Variants in JAZF1 observed in about 807,000 individuals in gnomAD.
JAZF1 encodes JAZF zinc finger 1.
A neutral mutation model predicts 26.4 loss-of-function variants in JAZF1; 8 were observed. The observed-to-expected ratio is 0.30, with a 90% CI of 0.18 to 0.55. The LOEUF is 0.55. JAZF1 is among the 20% of genes least tolerant of loss of function. JAZF1 has a pLI of 0.94. For missense variants in JAZF1, 199 were observed against 322.0 expected, an observed-to-expected ratio of 0.62 and a Z score of 2.92; for synonymous variants, 126 against 122.3, an observed-to-expected ratio of 1.03 and a Z score of -0.20.
In JAZF1 at chr7:28,159,405, T is replaced by C. The variant is rs539780544; in HGVS notation, c.115+21058A>G. On this transcript the variant is annotated intron_variant, in intron 1 of 4. Transcript: ENST00000283928. ...AAACAAGAGCAAAGATCTTGAGACA[T>C]GAACAACACTGGCCAACTCAGGAGA... Among the ~76,000 whole-genome samples, 270 of 151,624 alleles carry C rather than the reference T, an allele frequency of 1.8e-3. 1 individual carries two copies. The highest frequency in any genetic ancestry group is 6.3e-3 in the African/African-American group (260 of 41,322).
chr7:27,876,019 C>T (rs1783672802), intron 3 of JAZF1, among the ~76,000 whole-genome samples: 2 of 152,244 alleles, frequency 1.3e-5, no homozygotes, highest in South Asian at 2.1e-4. Flanking sequence ...GGCACCAAAA[C>T]TTCCTAGCAG....
chr7:27,894,669 T>A (rs1046484634), intron 3 of JAZF1, among the ~76,000 whole-genome samples: 2 of 152,110 alleles, frequency 1.3e-5, no homozygotes, highest in Non-Finnish European at 2.9e-5. Flanking sequence ...TAGGTGGGTA[T>A]AAAGAAGCAA....
At chr7:28,094,177 C>G (rs1417599243) in intron 1 of JAZF1, among the ~76,000 whole-genome samples, 1 of 152,184 alleles carries the variant, frequency 6.6e-6, no homozygotes. Context: ...AGTCAACATT[C>G]GATCTGCTCG....
At chr7:27,977,023 C>A (rs1785485803) in intron 2 of JAZF1, among the ~76,000 whole-genome samples, 1 of 152,208 alleles carries the variant, frequency 6.6e-6, no homozygotes, top group Non-Finnish European at 1.5e-5. Flanking sequence ...TTATTCCATA[C>A]ATTTTTACTT....
chr7:28,052,244 A>AC (rs1282846136), intron 1 of JAZF1, among the ~76,000 whole-genome samples: 1 of 152,138 alleles, frequency 6.6e-6, no homozygotes, highest in Non-Finnish European at 1.5e-5. Context: ...AATCCTATAA[A>AC]CCATTTAACC....
chr7:27,861,716 G>A (rs1783384578), intron 3 of JAZF1, among the ~76,000 whole-genome samples: 1 of 152,062 alleles, frequency 6.6e-6, no homozygotes, highest in African/African-American at 2.4e-5. Context: ...AAACCTTGAG[G>A]ATCCTTGTCT....
At chr7:28,028,700 A>C (rs553185235) in intron 1 of JAZF1, among the ~76,000 whole-genome samples, 7 of 152,220 alleles carry the variant, frequency 4.6e-5, no homozygotes, top group African/African-American at 1.7e-4. Context: ...AACTCTATTA[A>C]GCGTTGGTGA....
At chr7:28,096,265 T>G (rs1186147029) in intron 1 of JAZF1, among the ~76,000 whole-genome samples, 1 of 152,228 alleles carries the variant, frequency 6.6e-6, no homozygotes, top group Non-Finnish European at 1.5e-5. Context: ...CGAGAAGTTC[T>G]GTGGTGAGGA....
chr7:27,971,850 A>C (rs1785379827), intron 2 of JAZF1, among the ~76,000 whole-genome samples: 1 of 152,222 alleles, frequency 6.6e-6, no homozygotes, highest in African/African-American at 2.4e-5. Context: ...TGTGCAAAGT[A>C]CTTGCTATAC....
Position 27,840,725 on chromosome 7 carries a change from T to G in JAZF1, c.528A>C (p.Pro176=). Residue 176 remains proline, a synonymous_variant, in exon 4 of 5, where the codon CCA becomes CCC. Transcript: ENST00000283928. This position sits in a 1 kb window ranked among gnomAD's most constrained non-coding sequence, Gnocchi z 5.1. ...NGGEEKPFAC[P]VPGCKKRYKN... ...TGTATCTCTTTTTACATCCAGGAAC[T>G]GGGCAGGCAAAAGGCTTCTCTTCCC... 1 of 1,614,214 alleles carries G rather than the reference T, an allele frequency of 6.2e-7. No individual in the cohort carries two copies. The highest frequency in any genetic ancestry group is 2.2e-5 in the East Asian group (1 of 44,886).
chr7:27,971,292 G>T (rs183430662), intron 2 of JAZF1, among the ~76,000 whole-genome samples: 100 of 152,296 alleles, frequency 6.6e-4, no homozygotes, highest in Middle Eastern at 3.4e-3. Flanking sequence ...CAGGCCAGAC[G>T]GGAGAGCTCT....
chr7:27,913,497 C>G (rs1200904684), intron 2 of JAZF1: 1 of 355,222 alleles, frequency 2.8e-6, no homozygotes, highest in Non-Finnish European at 5.7e-6. Flanking sequence ...CCCACGTGAA[C>G]AGAGCTTGGT....
intron 2 of JAZF1, among the ~76,000 whole-genome samples, chr7:27,921,418 G>A (rs1784527415): frequency 6.6e-6 from 1 of 151,544 alleles, no homozygotes; most frequent in African/African-American, 2.4e-5. Context: ...AAGTTTTGTA[G>A]TGTAGCTTAC....
At chr7:27,976,171 C>T (rs1785465983) in intron 2 of JAZF1, among the ~76,000 whole-genome samples, 1 of 151,844 alleles carries the variant, frequency 6.6e-6, no homozygotes, top group South Asian at 2.1e-4. Flanking sequence ...GGTGAAACCC[C>T]GTCTCTACTA....
intron 2 of JAZF1, among the ~76,000 whole-genome samples, chr7:27,983,358 G>A (rs1338328247): frequency 6.6e-6 from 1 of 152,160 alleles, no homozygotes; most frequent in Non-Finnish European, 1.5e-5. Context: ...AGTGATTGAA[G>A]ATCAAATGAA....
intron 3 of JAZF1, among the ~76,000 whole-genome samples, chr7:27,883,844 T>C (rs938273764): frequency 6.6e-6 from 1 of 152,218 alleles, no homozygotes; most frequent in Non-Finnish European, 1.5e-5. Context: ...CTCTACTTAA[T>C]ATGTCCCGTA....
intron 2 of JAZF1, among the ~76,000 whole-genome samples, chr7:27,957,327 T>C (rs1484361409): frequency 6.6e-6 from 1 of 152,138 alleles, no homozygotes; most frequent in Non-Finnish European, 1.5e-5. Flanking sequence ...AATAACATGA[T>C]TTTGTGCTTT....
chr7:27,840,797 A>G lies in JAZF1; in HGVS notation c.456T>C (p.Ser152=). Residue 152 remains serine, a synonymous_variant, in exon 4 of 5, where the codon AGT becomes AGC. Coordinates refer to ENST00000283928, the MANE Select transcript of JAZF1 (RefSeq NM_175061.4). This position sits in a 1 kb window ranked among gnomAD's most constrained non-coding sequence, Gnocchi z 5.1. ...SDSDESWTTE[S]AISSEAILSS... Reference sequence around the variant, plus strand: ...TGAGGATGGCTTCGGAGCTGATGGCACTCTCTGTGGTCCAGGACTCATCGC... The same window carrying G: ...TGAGGATGGCTTCGGAGCTGATGGCGCTCTCTGTGGTCCAGGACTCATCGC... The G allele has an allele frequency of 6.2e-7, 1 of 1,610,234 alleles. No individual in the cohort carries two copies. Among genetic ancestry groups the G allele is most frequent in the Non-Finnish European group, 8.5e-7 (1 of 1,178,300 alleles).
intron 2 of JAZF1, among the ~76,000 whole-genome samples, chr7:27,947,981 T>C (rs1784945111): frequency 6.6e-6 from 1 of 152,118 alleles, no homozygotes; most frequent in Non-Finnish European, 1.5e-5. Context: ...TTAGGTCTTT[T>C]GGTCAATTCA....
Sources: allele counts gnomAD v4.1 joint callset (sites outside exome capture counted in the v4.1 genomes callset), GRCh38; gene constraint gnomAD v4.1.1; non-coding constraint Gnocchi (gnomAD v3.1); transcripts MANE v1.5; gene names NCBI Gene and HGNC (gene_info 2026-07-23, HGNC 2026-07-21).